RNF34: variants seen among roughly 807,000 people sequenced by gnomAD.
RNF34 encodes E3 ubiquitin-protein ligase RNF34.
RNF34 carries 12 observed loss-of-function variants against 37.9 expected under a neutral mutation model. That is an observed-to-expected ratio of 0.32 (90% CI 0.20 to 0.51). RNF34 has a LOEUF of 0.51. Ranked by LOEUF, RNF34 falls within the 20% of genes least tolerant of loss-of-function variation. The pLI is 0.97. For synonymous variants in RNF34, 155 were observed against 177.2 expected, an observed-to-expected ratio of 0.87 and a Z score of 1.00; for missense variants, 362 against 472.7, an observed-to-expected ratio of 0.77 and a Z score of 2.17.
intron 3 of RNF34, among the ~76,000 whole-genome samples, chr12:121,418,899 G>C (rs758332533): frequency 6.6e-6 from 1 of 152,128 alleles, no homozygotes; most frequent in East Asian, 1.9e-4. Context: ...TAAAGATGGG[G>C]TTTCACCATG....
At chr12:121,414,782 C>T (rs1365647938) in intron 1 of RNF34, among the ~76,000 whole-genome samples, 4 of 150,446 alleles carry the variant, frequency 2.7e-5, no homozygotes, top group African/African-American at 9.8e-5. Context: ...AAGCAATTCT[C>T]GTGCCTTTGG....
Position 121,412,058 on chromosome 12 carries a change from TTTATTA to T in RNF34, c.7-4094_7-4089del, listed in dbSNP as rs1172707600. 2.8e-4 allele frequency among the ~76,000 whole-genome samples: 42 copies of T among 152,098 alleles called. 1 individual carries two copies. Among genetic ancestry groups the T allele is most frequent in the African/African-American group, 9.9e-4 (41 of 41,528 alleles). On this transcript the variant is annotated intron_variant, in intron 1 of 5. Coordinates refer to ENST00000361234, the MANE Select transcript of RNF34 (RefSeq NM_025126.4). ...ATCCTTTACTTAAAAGAACATTAACTTTATTATTATTAATTTTTTTTGAGATGGAGT... is the reference window on the plus strand; with the variant it reads ...ATCCTTTACTTAAAAGAACATTAACTTTATTAATTTTTTTTGAGATGGAGT...
intron 1 of RNF34, among the ~76,000 whole-genome samples, chr12:121,406,650 C>G (rs1196387129): frequency 6.6e-6 from 1 of 152,168 alleles, no homozygotes; most frequent in African/African-American, 2.4e-5. Flanking sequence ...GACCATGGTC[C>G]TATGGTGGCT....
chr12:121,423,804 C>T lies in RNF34; in HGVS notation c.*228C>T, dbSNP rs1872368740. The T allele has an allele frequency of 2.0e-6, 1 of 507,696 alleles. No individual in the cohort carries two copies. Among genetic ancestry groups the T allele is most frequent in the African/African-American group, 1.9e-5 (1 of 51,488 alleles). 31.4% of individuals were successfully genotyped at this position (507,696 alleles called of 1,614,324 possible). ...CTTCCCGGGCTCAGCTGGGCTTTAT[C>T]ACACATCCCGTGAACACTCATTGAA... On this transcript the variant is annotated 3_prime_UTR_variant, in exon 6 of 6. Transcript: ENST00000361234. This position sits in a 1 kb window ranked among gnomAD's most constrained non-coding sequence, Gnocchi z 4.3.
At chr12:121,402,694 A>C in intron 1 of RNF34, 1 of 1,226,104 alleles carries the variant, frequency 8.2e-7, no homozygotes, top group Non-Finnish European at 1.2e-6. Flanking sequence ...ATCAAGGAGA[A>C]AGTAATCTAC....
intron 5 of RNF34, among the ~76,000 whole-genome samples, chr12:121,421,371 T>TAC (rs35925457): frequency 0.031 from 1,451 of 46,332 alleles, 201 homozygotes; most frequent in African/African-American, 0.095. Context: ...ATCCCATCTC[T>TAC]AAAAAAAAAA....
At chr12:121,421,757 G>C (rs1328896702) in intron 5 of RNF34, among the ~76,000 whole-genome samples, 2 of 152,150 alleles carry the variant, frequency 1.3e-5, no homozygotes, top group Non-Finnish European at 2.9e-5. Flanking sequence ...GCCCAGACTA[G>C]TGCTGAATTA....
intron 1 of RNF34, among the ~76,000 whole-genome samples, chr12:121,401,582 C>T (rs1254643684): frequency 6.6e-6 from 1 of 151,944 alleles, no homozygotes; most frequent in Non-Finnish European, 1.5e-5. Context: ...TCCTGAAAAC[C>T]ACCCTCTGCT....
chr12:121,411,697 G>A (rs1350908421), intron 1 of RNF34, among the ~76,000 whole-genome samples: 1 of 152,156 alleles, frequency 6.6e-6, no homozygotes, highest in Non-Finnish European at 1.5e-5. Context: ...TTTTTACACA[G>A]TTACTTGTCA....
chr12:121,412,724 C>CT (rs1409875276), intron 1 of RNF34, among the ~76,000 whole-genome samples: 3,543 of 121,846 alleles, frequency 0.029, 187 homozygotes, highest in African/African-American at 0.082. Flanking sequence ...GATGTTCATG[C>CT]TTTTTTTTTT....
At chr12:121,418,058 AAAGGCTG>A in intron 3 of RNF34, 147 bp downstream of exon 3, 1 of 863,602 alleles carries the variant, frequency 1.2e-6, no homozygotes, top group Non-Finnish European at 1.8e-6. Flanking sequence ...CTCTGCACTT[AAAGGCTG>A]TCCTGATGTA....
intron 1 of RNF34, among the ~76,000 whole-genome samples, chr12:121,413,117 C>T (rs1871248268): frequency 1.4e-5 from 2 of 147,022 alleles, no homozygotes. Context: ...CCTCCGCCTC[C>T]CCGGTTCAAG....
chr12:121,406,283 AGTTGTT>A (rs79540358), intron 1 of RNF34, among the ~76,000 whole-genome samples: 16 of 150,606 alleles, frequency 1.1e-4, no homozygotes, highest in South Asian at 6.4e-4. Context: ...GGAATGTGTA[AGTTGTT>A]GTTGTTGTTG....
rs1566232768 is a variant in RNF34 at position 121,417,469 on chromosome 12, T to TGG, written c.226-35_226-34insGG. 6.4e-7 allele frequency: 1 copy of TGG among 1,569,182 alleles called. No individual in the cohort carries two copies. ...AAACTCATGCTTTCATAATGGTTTA[T>TGG]ATCTTGCTGTCATCAAATGCTTTTC... On this transcript the variant is annotated intron_variant, in intron 2 of 5. Transcript: ENST00000361234. The surrounding 1 kb of genome is among the most constrained non-coding windows in gnomAD (Gnocchi z 5.0).
chr12:121,401,374 A>AAAAAAAAAAAT, intron 1 of RNF34, among the ~76,000 whole-genome samples: 1 of 148,612 alleles, frequency 6.7e-6, no homozygotes, highest in Non-Finnish European at 1.5e-5. Flanking sequence ...AAAAAAAAAA[A>AAAAAAAAAAAT]GGCAGGGACA....
At position 121,416,911 on chromosome 12, in the gene RNF34, A is replaced by AG. The variant is rs532448868; in HGVS notation, c.225+536dup. Among the ~76,000 whole-genome samples, 229 of 152,336 alleles carry AG rather than the reference A, an allele frequency of 1.5e-3. 1 individual carries two copies. The highest frequency in any genetic ancestry group is 5.3e-3 in the African/African-American group (219 of 41,590). On this transcript the variant is annotated intron_variant, in intron 2 of 5. Coordinates refer to ENST00000361234, the MANE Select transcript of RNF34 (RefSeq NM_025126.4). ...TTAGTTTAGTCTTCTGAAATACTTA[A>AG]GGAAAAAAAATGTTAGCTTGCAGGA...
chr12:121,408,115 G>A (rs1242113808), intron 1 of RNF34, among the ~76,000 whole-genome samples: 1 of 152,092 alleles, frequency 6.6e-6, no homozygotes, highest in South Asian at 2.1e-4. Flanking sequence ...AGATCAGCCT[G>A]GGCAGCATAT....
At chr12:121,414,016 A>T (rs1466950016) in intron 1 of RNF34, among the ~76,000 whole-genome samples, 3 of 152,156 alleles carry the variant, frequency 2.0e-5, no homozygotes, top group Admixed American at 1.3e-4. Flanking sequence ...TTTCTTTATA[A>T]TACAACATTA....
At chr12:121,414,458 G>T (rs1334010734) in intron 1 of RNF34, among the ~76,000 whole-genome samples, 1 of 152,080 alleles carries the variant, frequency 6.6e-6, no homozygotes. Context: ...AAAGGAGACA[G>T]GTTACTCTGG....
Sources: gnomAD v4.1 joint callset for allele counts (sites outside exome capture counted in the v4.1 genomes callset) on GRCh38, gnomAD v4.1.1 for gene constraint, Gnocchi (gnomAD v3.1) non-coding constraint, MANE v1.5 for transcripts, NCBI Gene and HGNC (gene_info 2026-07-23, HGNC 2026-07-21) for gene names.